Variants in KIF17 observed in about 807,000 individuals in gnomAD.
KIF17 encodes kinesin family member 17.
Under a neutral mutation model 96.8 loss-of-function variants are expected in KIF17, and 80 were observed. That is an observed-to-expected ratio of 0.83 (90% CI 0.69 to 1.00). The LOEUF (loss-of-function observed/expected upper bound fraction) is 1.00, where lower values mean the gene tolerates loss of function less well. KIF17 is among the 50% of genes least tolerant of loss of function. KIF17 has a pLI of 0.00. For synonymous variants in KIF17, 567 were observed against 587.5 expected (o/e 0.97, Z 0.51); for missense variants, 1,280 against 1,372.9 (o/e 0.93, Z 1.07).
chr1:20,677,690 C>A (rs943370755), intron 11 of KIF17, among the ~76,000 whole-genome samples: 1 of 152,006 alleles, frequency 6.6e-6, no homozygotes, highest in Non-Finnish European at 1.5e-5. Flanking sequence ...CTCATCTCTA[C>A]TAAAAAATAC....
intron 6 of KIF17, among the ~76,000 whole-genome samples, chr1:20,694,487 T>C (rs868616060): frequency 6.6e-6 from 1 of 152,272 alleles, no homozygotes; most frequent in African/African-American, 2.4e-5. Flanking sequence ...TTAAAGATAG[T>C]CTGGGATCCT....
At chr1:20,703,388 G>C (rs1388961921) in intron 5 of KIF17, among the ~76,000 whole-genome samples, 1 of 152,022 alleles carries the variant, frequency 6.6e-6, no homozygotes, top group Non-Finnish European at 1.5e-5. Context: ...CAGTATGGAT[G>C]GGTGGGTGGG....
chr1:20,675,008 G>A (rs773996556), intron 11 of KIF17, among the ~76,000 whole-genome samples: 8 of 151,940 alleles, frequency 5.3e-5, no homozygotes, highest in Non-Finnish European at 7.4e-5. Flanking sequence ...AAAATTAGCC[G>A]GACATGGTGG....
intron 1 of KIF17, among the ~76,000 whole-genome samples, chr1:20,716,826 G>A (rs1290856925): frequency 2.0e-5 from 3 of 152,198 alleles, no homozygotes; most frequent in Admixed American, 1.3e-4. Context: ...AGTGGTGAAC[G>A]AGGCAGACAC....
chr1:20,707,087 C>T (rs2054355222), intron 4 of KIF17, among the ~76,000 whole-genome samples: 2 of 152,018 alleles, frequency 1.3e-5, no homozygotes, highest in African/African-American at 4.8e-5. Context: ...CAGAGTGAGA[C>T]TCTGCCTCTC....
At position 20,672,517 on chromosome 1, in the gene KIF17, C is replaced by A. The variant is rs569612128; in HGVS notation, c.2464-321G>T. ...GATCAGCAATCCCAACAGCCAGCCC[C>A]TCAGTCACTATCTCCCATTGTACAT... On this transcript the variant is annotated intron_variant, in intron 11 of 14. Coordinates refer to ENST00000400463, the MANE Select transcript of KIF17 (RefSeq NM_001122819.3). This position sits in a 1 kb window ranked among gnomAD's most constrained non-coding sequence, Gnocchi z 4.3. Among the ~76,000 whole-genome samples the A allele has an allele frequency of 4.6e-5, 7 of 152,292 alleles. No homozygotes were observed. The highest frequency in any genetic ancestry group is 1.7e-4 in the African/African-American group (7 of 41,568).
At chr1:20,696,168 T>A (rs1336321645) in intron 6 of KIF17, among the ~76,000 whole-genome samples, 2 of 152,176 alleles carry the variant, frequency 1.3e-5, no homozygotes, top group African/African-American at 4.8e-5. Flanking sequence ...TCCAAACCCC[T>A]GGTTCAGACT....
Position 20,704,573 on chromosome 1 carries a change from T to G in KIF17, c.997A>C (p.Lys333Gln), listed in dbSNP as rs1270514571. 1 of 1,614,186 alleles carries G rather than the reference T, an allele frequency of 6.2e-7. No homozygotes were observed. Residue 333 changes from lysine to glutamine, a missense_variant, in exon 5 of 15, where the codon AAG becomes CAG. Transcript: ENST00000400463. The surrounding 1 kb of genome is among the most constrained non-coding windows in gnomAD (Gnocchi z 6.8). ...ATGCGCGGCTTGTTCCTGATGTTCT[T>G]GGCCCGGTTGGCGTAGCGCAGCGTG... ...LSTLRYANRA[K>Q]NIRNKPRINE... is the part of the protein sequence containing the mutation.
chr1:20,701,205 G>A (rs368272982), intron 5 of KIF17, among the ~76,000 whole-genome samples: 1 of 152,118 alleles, frequency 6.6e-6, no homozygotes, highest in Non-Finnish European at 1.5e-5. Context: ...AGGCTGAGGC[G>A]GGCGAATCAC....
Position 20,684,774 on chromosome 1 carries a change from G to A in KIF17, c.2231+35C>T, listed in dbSNP as rs376410495. On this transcript the variant is annotated intron_variant, in intron 10 of 14. Transcript: ENST00000400463. ...GAAGGCAGCCCCTTCCCACCTCACC[G>A]TGGGGTCCCGCCAGCCCCATGCTCT... is the stretch of plus-strand genomic sequence containing the variant. The A allele has an allele frequency of 9.6e-5, 148 of 1,539,366 alleles. 1 individual carries two copies. The highest frequency in any genetic ancestry group is 8.9e-4 in the Middle Eastern group (4 of 4,502).
Position 20,717,757 on chromosome 1 carries a change from G to C in KIF17, c.-51C>G. 1 of 1,501,256 alleles carries C rather than the reference G, an allele frequency of 6.7e-7. No individual in the cohort carries two copies. Among genetic ancestry groups the C allele is most frequent in the Non-Finnish European group, 8.8e-7 (1 of 1,132,520 alleles). The allele number at this position is 1,501,256 out of a possible 1,614,324, so 93.0% of individuals were successfully genotyped here. A position where few individuals can be genotyped will look rare whatever the true frequency, so the allele number is the denominator to read the frequency against. ...CCAGAGCTGACCCCCGCCCCGCCGGGGACTCCCAGCAGCCCGGGCCAAGGG... is the reference window on the plus strand; with the variant it reads ...CCAGAGCTGACCCCCGCCCCGCCGGCGACTCCCAGCAGCCCGGGCCAAGGG... On this transcript the variant is annotated 5_prime_UTR_variant, in exon 1 of 15. Transcript: ENST00000400463.
At chr1:20,684,522 GGGCTGGGGGCTTGGCT>G (rs1268935756) in intron 10 of KIF17, among the ~76,000 whole-genome samples, 1 of 152,210 alleles carries the variant, frequency 6.6e-6, no homozygotes, top group Non-Finnish European at 1.5e-5. Flanking sequence ...GGAGGCCAGG[GGGCTGGGGGCTTGGCT>G]GGGATGGGAG....
chr1:20,697,639 G>A (rs542109090), intron 6 of KIF17, among the ~76,000 whole-genome samples: 2 of 152,092 alleles, frequency 1.3e-5, no homozygotes, highest in Non-Finnish European at 2.9e-5. Context: ...ATGAATAAAG[G>A]GACTGCCACA....
intron 14 of KIF17, among the ~76,000 whole-genome samples, chr1:20,665,751 T>C (rs2053515809): frequency 6.6e-6 from 1 of 152,232 alleles, no homozygotes. Context: ...GGCTTTGCTT[T>C]CAGTTTTAAA....
At position 20,717,408 on chromosome 1, in the gene KIF17, C is replaced by A. The variant is rs1342464096; in HGVS notation, c.231+68G>T. ...TCCTCCTGGCTGGGGGGCAGCGCAG[C>A]CCCCTGGGGACTCTCGGGGCGGCCT... On this transcript the variant is annotated intron_variant, in intron 1 of 14. Coordinates refer to ENST00000400463, the MANE Select transcript of KIF17 (RefSeq NM_001122819.3). The A allele has an allele frequency of 3.8e-6, 6 of 1,560,000 alleles. No individual in the cohort carries two copies. In the African/African-American group the frequency reaches 4.4e-5, roughly 11 times the overall value.
rs2053859868 is a variant in KIF17, at chr1:20,682,997, A to G, written c.2232-113T>C. On this transcript the variant is annotated intron_variant, in intron 10 of 14. Coordinates refer to ENST00000400463, the MANE Select transcript of KIF17 (RefSeq NM_001122819.3). ...CCCCCCAGATCCTTCCAACAACCCC[A>G]CTTCACAGGGAGGGAAACCGAGGCT... 3 of 858,992 alleles carry G rather than the reference A, an allele frequency of 3.5e-6. No individual in the cohort carries two copies. In the East Asian group the frequency reaches 7.7e-5, roughly 22 times the overall value. 53.2% of individuals were successfully genotyped at this position (858,992 alleles called of 1,614,324 possible).
At chr1:20,663,679 G>A (rs1241561141), downstream of KIF17, among the ~76,000 whole-genome samples, 1 of 152,176 alleles carries the variant, frequency 6.6e-6, no homozygotes, top group African/African-American at 2.4e-5. Flanking sequence ...AAACAGGGTG[G>A]CCTGGATTCA....
chr1:20,686,442 A>T (rs1247665474), intron 8 of KIF17: 1 of 489,480 alleles, frequency 2.0e-6, no homozygotes, highest in African/African-American at 1.9e-5. Context: ...CAACCAAGGA[A>T]GTGGTAGACC....
In KIF17 at chr1:20,699,721, G is replaced by A. The variant is rs1449330534; in HGVS notation, c.1124-1233C>T. The stretch of plus-strand genomic sequence containing the variant: ...TAGACAGGGGGAGCGGTGAGTGCGA[G>A]GGCCCTGAGGCGGTTGTGAGACTGC... On this transcript the variant is annotated intron_variant, in intron 5 of 14. Coordinates refer to ENST00000400463, the MANE Select transcript of KIF17 (RefSeq NM_001122819.3). This position sits in a 1 kb window ranked among gnomAD's most constrained non-coding sequence, Gnocchi z 4.3. Among the ~76,000 whole-genome samples, 3 of 152,186 alleles carry A rather than the reference G, an allele frequency of 2.0e-5. No individual in the cohort carries two copies. Among genetic ancestry groups the A allele is most frequent in the East Asian group, 3.9e-4 (2 of 5,190 alleles).
Sources: gnomAD v4.1 joint callset for allele counts (sites outside exome capture counted in the v4.1 genomes callset) on GRCh38, gnomAD v4.1.1 for gene constraint, Gnocchi (gnomAD v3.1) non-coding constraint, MANE v1.5 for transcripts, NCBI Gene and HGNC (gene_info 2026-07-23, HGNC 2026-07-21) for gene names.